The following CMKLR1 variants were observed in gnomAD, a reference collection of about 807,000 sequenced individuals.
CMKLR1 encodes chemerin-like receptor 1.
A neutral mutation model predicts 8.2 loss-of-function variants in CMKLR1; 6 were observed. The observed-to-expected ratio is 0.73, with a 90% CI of 0.40 to 1.44. The LOEUF is 1.44. Among genes scored for constraint, CMKLR1 ranks in the 40% most tolerant of loss-of-function variants. CMKLR1 has a pLI of 0.02. For missense variants in CMKLR1, 429 were observed against 478.0 expected, an observed-to-expected ratio of 0.90 and a Z score of 0.96; for synonymous variants, 178 against 181.2, an observed-to-expected ratio of 0.98 and a Z score of 0.14.
At chr12:108,331,153 GA>G (rs1892096936) in intron 1 of CMKLR1, among the ~76,000 whole-genome samples, 2 of 152,130 alleles carry the variant, frequency 1.3e-5, no homozygotes, top group Non-Finnish European at 2.9e-5. Context: ...ACTCCTGGGG[GA>G]TCATTCATTC....
chr12:108,338,432 AG>A (rs1892281158), intron 1 of CMKLR1, among the ~76,000 whole-genome samples: 1 of 152,198 alleles, frequency 6.6e-6, no homozygotes, highest in Non-Finnish European at 1.5e-5. Flanking sequence ...ACTTCACATC[AG>A]GGAAAGTTTA....
intron 2 of CMKLR1, among the ~76,000 whole-genome samples, chr12:108,324,042 T>C (rs1450997588): frequency 6.6e-6 from 1 of 152,174 alleles, no homozygotes; most frequent in Non-Finnish European, 1.5e-5. Flanking sequence ...GCCAGAGGTC[T>C]AGGGCTCCAG....
chr12:108,306,170 G>A (rs550157042), intron 2 of CMKLR1, among the ~76,000 whole-genome samples: 9 of 152,306 alleles, frequency 5.9e-5, no homozygotes, highest in Admixed American at 3.3e-4. Flanking sequence ...AACTGCAGGC[G>A]TGGAGCGTGC....
intron 2 of CMKLR1, among the ~76,000 whole-genome samples, chr12:108,294,487 C>T (rs949169215): frequency 3.3e-5 from 5 of 152,184 alleles, no homozygotes; most frequent in South Asian, 2.1e-4. Flanking sequence ...TACCTAACCC[C>T]GGACACTTAT....
chr12:108,293,118 C>T (rs1344606402), intron 3 of CMKLR1, among the ~76,000 whole-genome samples, 159 bp from the exon 4 acceptor site: 1 of 152,120 alleles, frequency 6.6e-6, no homozygotes, highest in African/African-American at 2.4e-5. Flanking sequence ...TGAACAAATG[C>T]CTCTCTGGTA....
At chr12:108,318,785 G>A (rs1232668299) in intron 2 of CMKLR1, among the ~76,000 whole-genome samples, 1 of 152,222 alleles carries the variant, frequency 6.6e-6, no homozygotes, top group Non-Finnish European at 1.5e-5. Context: ...TTCTGGAGGT[G>A]CCTTTGGTGG....
chr12:108,295,508 G>A (rs1013588235), intron 2 of CMKLR1, among the ~76,000 whole-genome samples: 1 of 152,246 alleles, frequency 6.6e-6, no homozygotes, highest in African/African-American at 2.4e-5. Context: ...GAGCTCACAG[G>A]TATGAGACAA....
chr12:108,320,818 C>A (rs548398068), intron 2 of CMKLR1, among the ~76,000 whole-genome samples: 1 of 152,236 alleles, frequency 6.6e-6, no homozygotes, highest in Non-Finnish European at 1.5e-5. Context: ...ACCCCAGAAA[C>A]TCCAGCACAG....
intron 1 of CMKLR1, among the ~76,000 whole-genome samples, chr12:108,333,040 G>A (rs1892144361): frequency 6.6e-6 from 1 of 152,102 alleles, no homozygotes; most frequent in African/African-American, 2.4e-5. Context: ...CCAGACCACA[G>A]GGCCTGCCCT....
At chr12:108,300,805 TAAGA>T (rs1180689299) in intron 2 of CMKLR1, among the ~76,000 whole-genome samples, 2 of 152,226 alleles carry the variant, frequency 1.3e-5, no homozygotes, top group East Asian at 3.8e-4. Flanking sequence ...CTGCCTAGCA[TAAGA>T]AAGTTCACCA....
In CMKLR1 at chr12:108,288,740, C is replaced by G. The variant is rs10861889; in HGVS notation, c.*3101G>C. 6,935 of 152,316 alleles carry G rather than the reference C, an allele frequency of 0.046. 256 individuals are homozygous for G. Among genetic ancestry groups the G allele is most frequent in the East Asian group, 0.15 (772 of 5,176 alleles). The allele number at this position is 152,316 out of a possible 1,614,324, so 9.4% of individuals were successfully genotyped here. A position where few individuals can be genotyped will look rare whatever the true frequency, so the allele number is the denominator to read the frequency against. ...TGGAGATGGTTCTGAAATCAAATTC[C>G]TCCCACTCTTTGGACTTCCATTCCT... is the stretch of plus-strand genomic sequence containing the variant. On this transcript the variant is annotated 3_prime_UTR_variant, in exon 4 of 4. Coordinates refer to ENST00000550402, the MANE Select transcript of CMKLR1 (RefSeq NM_001142343.2).
intron 2 of CMKLR1, among the ~76,000 whole-genome samples, chr12:108,318,623 A>C (rs1342227339): frequency 6.6e-6 from 1 of 152,180 alleles, no homozygotes; most frequent in Non-Finnish European, 1.5e-5. Flanking sequence ...CCCAGAGGGC[A>C]GATCTGTTCT....
chr12:108,312,026 AG>A (rs1303119900), intron 2 of CMKLR1, among the ~76,000 whole-genome samples: 1 of 152,210 alleles, frequency 6.6e-6, no homozygotes, highest in African/African-American at 2.4e-5. Flanking sequence ...GCACAAATCC[AG>A]GCAGAGCAAA....
chr12:108,326,039 G>C (rs1891975665), intron 2 of CMKLR1, among the ~76,000 whole-genome samples: 1 of 152,086 alleles, frequency 6.6e-6, no homozygotes, highest in Non-Finnish European at 1.5e-5. Flanking sequence ...TCACCTCCGT[G>C]ACCTCCCAGG....
At chr12:108,335,706 G>A (rs1374236299) in intron 1 of CMKLR1, among the ~76,000 whole-genome samples, 1 of 152,210 alleles carries the variant, frequency 6.6e-6, no homozygotes, top group Non-Finnish European at 1.5e-5. Context: ...TAGAGGAGTT[G>A]CAGTTTCCTG....
intron 2 of CMKLR1, among the ~76,000 whole-genome samples, chr12:108,321,951 T>C (rs1891872540): frequency 6.6e-6 from 1 of 152,098 alleles, no homozygotes; most frequent in Non-Finnish European, 1.5e-5. Context: ...CCTGACTGTC[T>C]TGGTGCTGTC....
In CMKLR1 at chr12:108,292,140, G is replaced by C; in HGVS notation, c.823C>G (p.Pro275Ala). ...TCTAGGAGGTTGAGTGTGTGGTAGG[G>C]GCACCAGCAGAGGAAGAAGGTAATG... ...IIITFFLCWC[P>A]YHTLNLLELH... The change falls in exon 4 of 4, where the codon CCC becomes GCC. Residue 275 changes from proline (P) to alanine (A), a missense_variant. By Grantham distance (27) the Pro-to-Ala change is conservative. Coordinates refer to ENST00000550402, the MANE Select transcript of CMKLR1 (RefSeq NM_001142343.2). The C allele has an allele frequency of 1.2e-6, 2 of 1,614,184 alleles. No homozygotes were observed. The highest frequency in any genetic ancestry group is 1.7e-6 in the Non-Finnish European group (2 of 1,180,038).
At chr12:108,303,287 T>A (rs1425367365) in intron 2 of CMKLR1, among the ~76,000 whole-genome samples, 1 of 152,198 alleles carries the variant, frequency 6.6e-6, no homozygotes, top group Non-Finnish European at 1.5e-5. Flanking sequence ...GGCAGACAGT[T>A]GTGTCCTGCC....
Position 108,288,636 on chromosome 12 carries a change from GC to G in CMKLR1, c.*3204del, listed in dbSNP as rs1323816733. The stretch of plus-strand genomic sequence containing the variant: ...GCGCTCTGGGAATTATCTAAGGCTG[GC>G]AAAGGCATCCCGGTGCTTGAGGCCC... On this transcript the variant is annotated 3_prime_UTR_variant, in exon 4 of 4. Transcript: ENST00000550402. The G allele has an allele frequency of 6.6e-6, 1 of 152,282 alleles. No individual in the cohort carries two copies. Among genetic ancestry groups the G allele is most frequent in the Non-Finnish European group, 1.5e-5 (1 of 68,124 alleles). 9.4% of individuals were successfully genotyped at this position (152,282 alleles called of 1,614,324 possible).
Sources: gnomAD v4.1 joint callset for allele counts (sites outside exome capture counted in the v4.1 genomes callset) on GRCh38, gnomAD v4.1.1 for gene constraint, MANE v1.5 for transcripts, NCBI Gene and HGNC (gene_info 2026-07-23, HGNC 2026-07-21) for gene names.